The following KIF25 variants were observed in gnomAD, a reference collection of about 807,000 sequenced individuals.
The protein encoded by KIF25 is kinesin-like protein KIF25.
In KIF25, 19 loss-of-function variants were observed where a neutral mutation model predicts 32.9. The ratio of observed to expected loss-of-function variants is 0.58; its 90% CI spans 0.40 to 0.85. The LOEUF (loss-of-function observed/expected upper bound fraction) is 0.85. KIF25 is among the 40% of genes least tolerant of loss of function. KIF25 has a pLI of 0.00. For missense variants in KIF25, 485 were observed against 507.0 expected, an observed-to-expected ratio of 0.96 and a Z score of 0.42; for synonymous variants, 225 against 213.7, an observed-to-expected ratio of 1.05 and a Z score of -0.46.
At chr6:168,042,829 C>G in intron 12 of KIF25, 113 bp downstream of exon 12, 1 of 1,268,562 alleles carries the variant, frequency 7.9e-7, no homozygotes, top group Non-Finnish European at 1.1e-6. Flanking sequence ...CCTGCACCTC[C>G]TGTGTCCTCG....
At chr6:168,039,663 GAGC>G (rs1799086673) in intron 9 of KIF25, among the ~76,000 whole-genome samples, 1 of 152,218 alleles carries the variant, frequency 6.6e-6, no homozygotes, top group Non-Finnish European at 1.5e-5. Context: ...TGCTGATTAA[GAGC>G]TCTGATTAGC....
At chr6:168,027,517 G>C (rs147579115) in intron 5 of KIF25, among the ~76,000 whole-genome samples, 35 of 152,052 alleles carry the variant, frequency 2.3e-4, no homozygotes, top group Non-Finnish European at 4.6e-4. Flanking sequence ...TTCCAGGTTG[G>C]GGGGAAAATG....
Position 168,033,918 on chromosome 6 carries a change from C to T in KIF25, c.204C>T (p.Gly68=), listed in dbSNP as rs1178968827. 6.2e-7 allele frequency: 1 copy of T among 1,614,154 alleles called. No homozygotes were observed. Among genetic ancestry groups the T allele is most frequent in the East Asian group, 2.2e-5 (1 of 44,880 alleles). ...NVCVMAYGQT[G]SGKSYTMLGR... is the part of the protein sequence containing the mutation. ...GTGTTATGGCGTATGGACAGACGGG[C>T]AGCGGAAAGAGCTATACCATGCTGG... is the stretch of plus-strand genomic sequence containing the variant. Residue 68 remains glycine (G), a synonymous_variant, in exon 8 of 13, where the codon GGC becomes GGT. Transcript: ENST00000643607.
intron 2 of KIF25, among the ~76,000 whole-genome samples, chr6:168,000,374 C>T (rs1219288046): frequency 8.0e-6 from 1 of 124,648 alleles, no homozygotes; most frequent in African/African-American, 3.1e-5. Flanking sequence ...CCCGACCACG[C>T]CTGACCTTCT....
intron 9 of KIF25, among the ~76,000 whole-genome samples, 175 bp from the exon 10 acceptor site, chr6:168,039,890 C>T (rs1799089894): frequency 6.6e-6 from 1 of 152,150 alleles, no homozygotes; most frequent in African/African-American, 2.4e-5. Context: ...TTGGTTAGGT[C>T]TCAAAAGGAA....
chr6:168,019,806 G>A (rs1322220544), intron 5 of KIF25, among the ~76,000 whole-genome samples: 1 of 152,218 alleles, frequency 6.6e-6, no homozygotes, highest in African/African-American at 2.4e-5. Context: ...AGTCCCAAAA[G>A]GTGACGGGAG....
At chr6:168,023,247 C>T (rs184977541) in intron 5 of KIF25, among the ~76,000 whole-genome samples, 34 of 150,502 alleles carry the variant, frequency 2.3e-4, no homozygotes, top group African/African-American at 7.8e-4. Flanking sequence ...TCATTTCTTG[C>T]ACCTAGGAAG....
intron 5 of KIF25, among the ~76,000 whole-genome samples, chr6:168,022,441 T>C (rs1798799712): frequency 6.6e-6 from 1 of 152,230 alleles, no homozygotes; most frequent in Non-Finnish European, 1.5e-5. Context: ...TTTTTATTTT[T>C]TAGTGACAGA....
chr6:168,030,728 T>G, intron 6 of KIF25, 45 bp from the exon 7 acceptor site: 2 of 1,534,348 alleles, frequency 1.3e-6, no homozygotes, highest in East Asian at 2.3e-5. Flanking sequence ...CTAGAGCCGC[T>G]TTCTGCTGCT....
rs1431133393 is a variant in KIF25 at position 168,038,622 on chromosome 6, C to CAA, written c.388_389insAA (p.Ile130LysfsTer22). 4 of 1,614,162 alleles carry CAA rather than the reference C, an allele frequency of 2.5e-6. No individual in the cohort carries two copies. In the South Asian group the frequency reaches 4.4e-5, roughly 18 times the overall value. ...CCATAGTGGAAGTTTACAATAATGA[C>CAA]ATTTTTGACCTTCTGGCCAAAGACA... On this transcript the variant is annotated frameshift_variant, in exon 9 of 13. Transcript: ENST00000643607. LOFTEE classifies it high-confidence loss of function.
rs532179322 is a variant in KIF25, at chr6:168,036,097, A to G, written c.317+2066A>G. 20 of 185,086 alleles carry G rather than the reference A, an allele frequency of 1.1e-4. 1 individual carries two copies. In the South Asian group the frequency reaches 1.9e-3, roughly 18 times the overall value. The allele number at this position is 185,086 out of a possible 1,614,324, so 11.5% of individuals were successfully genotyped here. A position where few individuals can be genotyped will look rare whatever the true frequency, so the allele number is the denominator to read the frequency against. ...CTACTCTTAGATTGCTGAAGTCACCAGATAAGCCATTTCCTGTCGTTTTAA... is the reference window on the plus strand; with the variant it reads ...CTACTCTTAGATTGCTGAAGTCACCGGATAAGCCATTTCCTGTCGTTTTAA... On this transcript the variant is annotated intron_variant, in intron 8 of 12. Transcript: ENST00000643607.
intron 4 of KIF25, among the ~76,000 whole-genome samples, chr6:168,010,540 T>C (rs559704394): frequency 4.8e-4 from 73 of 152,296 alleles, no homozygotes; most frequent in African/African-American, 1.7e-3. Context: ...TTTTGTGTCC[T>C]AACATGTGGT....
At chr6:168,035,770 CTCAG>C (rs970521555) in intron 8 of KIF25, 23 of 456,232 alleles carry the variant, frequency 5.0e-5, no homozygotes, top group Middle Eastern at 3.3e-4. Context: ...ACTGGAATCC[CTCAG>C]TCAGAGTCTC....
chr6:168,038,003 C>G (rs770366234), intron 8 of KIF25, among the ~76,000 whole-genome samples: 1 of 152,224 alleles, frequency 6.6e-6, no homozygotes, highest in Non-Finnish European at 1.5e-5. Context: ...TGTGAGCCAC[C>G]GTGCCTGGCT....
rs1361464313 is a variant in KIF25 at position 168,042,083 on chromosome 6, C to T, written c.761C>T (p.Pro254Leu). Residue 254 changes from proline to leucine, a missense_variant, in exon 11 of 13, where the codon CCC becomes CTC. Pro to Leu is a moderately conservative substitution (Grantham distance 98). Transcript: ENST00000643607. Reference protein sequence around the residue: ...ALAPQLVPGNPAGHAEQVQAR... With the variant: ...ALAPQLVPGNLAGHAEQVQAR... ...GCTCCACAGCTGGTTCCTGGGAACC[C>T]CGCAGGGCATGCGGAGCAGGTGCAG... 2.6e-6 allele frequency: 4 copies of T among 1,551,454 alleles called. No individual in the cohort carries two copies. The highest frequency in any genetic ancestry group is 3.5e-6 in the Non-Finnish European group (4 of 1,147,412).
chr6:168,043,904 G>A (rs1328003913), intron 12 of KIF25, among the ~76,000 whole-genome samples: 1 of 152,252 alleles, frequency 6.6e-6, no homozygotes, highest in Non-Finnish European at 1.5e-5. Flanking sequence ...TTCCTCAGGA[G>A]GAGAAGTCCT....
At position 168,042,615 on chromosome 6, in the gene KIF25, G is replaced by C. The variant is rs772614836; in HGVS notation, c.884G>C (p.Ser295Thr). The C allele has an allele frequency of 3.1e-6, 5 of 1,614,038 alleles. No individual in the cohort carries two copies. The Admixed American group carries it at 5.0e-5, about 16-fold the overall frequency. ...AGGGAGATGGCGTGCATCAGCCGCA[G>C]CCTTGCGGCCCTGGCAGGCGTCCTG... ...ALREMACISR[S>T]LAALAGVLGA... Residue 295 changes from serine (S) to threonine (T), a missense_variant, in exon 12 of 13, where the codon AGC (serine) becomes ACC (threonine). Transcript: ENST00000643607.
At chr6:168,010,476 T>C (rs1046343779) in intron 4 of KIF25, among the ~76,000 whole-genome samples, 2 of 152,166 alleles carry the variant, frequency 1.3e-5, no homozygotes, top group Non-Finnish European at 2.9e-5. Flanking sequence ...TATTCTGTTA[T>C]GGTCGAATAA....
chr6:168,038,867 C>A, intron 9 of KIF25, 138 bp downstream of exon 9: 1 of 757,216 alleles, frequency 1.3e-6, no homozygotes, highest in Non-Finnish European at 2.1e-6. Flanking sequence ...CCGTGGTGGC[C>A]CGATCAGTGC....
Sources: allele counts gnomAD v4.1 joint callset (sites outside exome capture counted in the v4.1 genomes callset), GRCh38; gene constraint gnomAD v4.1.1; transcripts MANE v1.5; gene names NCBI Gene and HGNC (gene_info 2026-07-23, HGNC 2026-07-21).